Variants in GP1BA observed in about 807,000 individuals in gnomAD.
The protein encoded by GP1BA is glycoprotein Ib platelet subunit alpha.
A neutral mutation model predicts 5.6 loss-of-function variants in GP1BA; 3 were observed. The ratio of observed to expected loss-of-function variants is 0.53; its 90% CI spans 0.24 to 1.38. GP1BA has a LOEUF of 1.38. GP1BA is among the 40% of genes most tolerant of loss of function. The probability of loss-of-function intolerance (pLI) is 0.16; values close to 1 mark genes in which losing one functional copy is unlikely to be tolerated. For synonymous variants in GP1BA, 323 were observed against 358.3 expected, an observed-to-expected ratio of 0.90 and a Z score of 1.11; for missense variants, 707 against 801.4, an observed-to-expected ratio of 0.88 and a Z score of 1.42.
In GP1BA at chr17:4,933,161, G is replaced by A. The variant is rs764249586; in HGVS notation, c.557G>A (p.Gly186Glu). ...GAGCTCCCCGCTGGGCTCCTGAATG[G>A]GCTGGAGAATCTCGACACCCTTCTC... Reference protein sequence around the residue: ...LTELPAGLLNGLENLDTLLLQ... With the variant: ...LTELPAGLLNELENLDTLLLQ... The change falls in exon 2 of 2, where the codon GGG becomes GAG. Residue 186 changes from glycine (G) to glutamate (E), a missense_variant. This residue lies in a region of GP1BA where 442 missense variants were observed against 498.8 expected (regional missense o/e 0.89). Transcript: ENST00000329125. 1 of 1,613,940 alleles carries A rather than the reference G, an allele frequency of 6.2e-7. No homozygotes were observed. Among genetic ancestry groups the A allele is most frequent in the Non-Finnish European group, 8.5e-7 (1 of 1,179,852 alleles).
rs760041588 is a variant in GP1BA at position 4,932,718 on chromosome 17, G to A, written c.114G>A (p.Leu38=). Residue 38 remains leucine (L), a synonymous_variant, in exon 2 of 2, where the codon CTG becomes CTA. Transcript: ENST00000329125. This position sits in a 1 kb window ranked among gnomAD's most constrained non-coding sequence, Gnocchi z 4.8. ...AAGTGAACTGTGACAAGAGGAATCTGACAGCGCTGCCTCCAGACCTGCCGA... is the reference window on the plus strand; with the variant it reads ...AAGTGAACTGTGACAAGAGGAATCTAACAGCGCTGCCTCCAGACCTGCCGA... ...HLEVNCDKRN[L]TALPPDLPKD... The A allele has an allele frequency of 1.2e-5, 20 of 1,613,822 alleles. No individual in the cohort carries two copies. The highest frequency in any genetic ancestry group is 1.4e-5 in the Non-Finnish European group (17 of 1,179,888).
chr17:4,933,389 T>C lies in GP1BA; in HGVS notation c.785T>C (p.Val262Ala), dbSNP rs1970371200. The change falls in exon 2 of 2, where the codon GTG becomes GCG. Residue 262 changes from valine to alanine, a missense_variant. Transcript: ENST00000329125. ...VKAMTSNVAS[V>A]QCDNSDKFPV... ...GCCATGACCTCTAACGTGGCCAGTG[T>C]GCAGTGTGACAATTCAGACAAGTTT... is the stretch of plus-strand genomic sequence containing the variant. 6.2e-7 allele frequency: 1 copy of C among 1,613,926 alleles called. No homozygotes were observed. Among genetic ancestry groups the C allele is most frequent in the Non-Finnish European group, 8.5e-7 (1 of 1,179,822 alleles).
At position 4,932,666 on chromosome 17, in the gene GP1BA, A is replaced by C; in HGVS notation, c.62A>C (p.Glu21Ala). 1.2e-6 allele frequency: 2 copies of C among 1,613,792 alleles called. No individual in the cohort carries two copies. Among genetic ancestry groups the C allele is most frequent in the Admixed American group, 3.3e-5 (2 of 60,002 alleles). Residue 21 changes from glutamate to alanine, a missense_variant, in exon 2 of 2, where the codon GAG (glutamate) becomes GCG (alanine). This residue lies in a region of GP1BA where 442 missense variants were observed against 498.8 expected (regional missense o/e 0.89). Coordinates refer to ENST00000329125, the MANE Select transcript of GP1BA (RefSeq NM_000173.7). The surrounding 1 kb of genome is among the most constrained non-coding windows in gnomAD (Gnocchi z 4.8). ...CCCTTACACCCCCACCCCATCTGTG[A>C]GGTCTCCAAAGTGGCCAGCCACCTA... ...PSPLHPHPIC[E>A]VSKVASHLEV...
Position 4,934,290 on chromosome 17 carries a change from C to G in GP1BA, c.1686C>G (p.Ala562=), listed in dbSNP as rs1347703118. Residue 562 remains alanine, a synonymous_variant, in exon 2 of 2, where the codon GCC becomes GCG. Coordinates refer to ENST00000329125, the MANE Select transcript of GP1BA (RefSeq NM_000173.7). ...GGGTTGGGCATGTGAAACCACAGGCCCTGGACTCTGGCCAAGGTGCTGCTC... is the reference window on the plus strand; with the variant it reads ...GGGTTGGGCATGTGAAACCACAGGCGCTGGACTCTGGCCAAGGTGCTGCTC... ...LSWVGHVKPQ[A]LDSGQGAALT... 6.2e-7 allele frequency: 1 copy of G among 1,613,856 alleles called. No individual in the cohort carries two copies. The highest frequency in any genetic ancestry group is 8.5e-7 in the Non-Finnish European group (1 of 1,179,914).
chr17:4,932,989 AC>A lies in GP1BA; in HGVS notation c.387del (p.Ser130ArgfsTer18). 6.2e-7 allele frequency: 1 copy of A among 1,613,852 alleles called. No homozygotes were observed. Among genetic ancestry groups the A allele is most frequent in the Non-Finnish European group, 8.5e-7 (1 of 1,179,862 alleles). On this transcript the variant is annotated frameshift_variant, in exon 2 of 2. Coordinates refer to ENST00000329125, the MANE Select transcript of GP1BA (RefSeq NM_000173.7). LOFTEE classifies it low-confidence loss of function (END_TRUNC). The surrounding 1 kb of genome is among the most constrained non-coding windows in gnomAD (Gnocchi z 4.8). ...TVLDVSFNRL[T>X]SLPLGALRGL... ...CCTGGACGTCTCCTTCAACCGGCTGACCTCGCTGCCTCTTGGTGCCCTGCGT... is the reference window on the plus strand; with the variant it reads ...CCTGGACGTCTCCTTCAACCGGCTGACTCGCTGCCTCTTGGTGCCCTGCGT...
At position 4,933,583 on chromosome 17, in the gene GP1BA, T is replaced by A. The variant is rs750186241; in HGVS notation, c.979T>A (p.Tyr327Asn). 4 of 1,613,790 alleles carry A rather than the reference T, an allele frequency of 2.5e-6. No homozygotes were observed. Among genetic ancestry groups the A allele is most frequent in the Admixed American group, 1.7e-5 (1 of 59,994 alleles). ...KAHTTPWGLF[Y>N]SWSTASLDSQ... ...CCATACAACCCCCTGGGGTCTATTC[T>A]ACTCATGGTCCACTGCTTCTCTAGA... The change falls in exon 2 of 2, where the codon TAC becomes AAC. Residue 327 changes from tyrosine to asparagine, a missense_variant. Transcript: ENST00000329125.
Position 4,932,856 on chromosome 17 carries a change from C to T in GP1BA, c.252C>T (p.Thr84=), listed in dbSNP as rs1286614361. The T allele has an allele frequency of 6.2e-7, 1 of 1,614,030 alleles. No individual in the cohort carries two copies. The part of the protein sequence containing the change: ...TQLNLDRCEL[T]KLQVDGTLPV... ...TGAACCTAGATAGGTGCGAGCTCAC[C>T]AAGCTCCAGGTCGATGGGACGCTGC... Residue 84 remains threonine (T), a synonymous_variant, in exon 2 of 2, where the codon ACC becomes ACT. Coordinates refer to ENST00000329125, the MANE Select transcript of GP1BA (RefSeq NM_000173.7). The surrounding 1 kb of genome is among the most constrained non-coding windows in gnomAD (Gnocchi z 4.8).
chr17:4,934,526 G>A lies in GP1BA; in HGVS notation c.1922G>A (p.Ser641Asn), dbSNP rs913991352. ...CAGGGTCGTGGTCAGGACCTGCTGA[G>A]CACAGTGAGCATTAGGTACTCTGGC... ...LSQGRGQDLL[S>N]TVSIRYSGHS... is the part of the protein sequence containing the mutation. The change falls in exon 2 of 2, where the codon AGC becomes AAC. Residue 641 changes from serine to asparagine, a missense_variant. Physicochemically the swap from Ser to Asn is conservative, Grantham distance 46. Transcript: ENST00000329125. The A allele has an allele frequency of 6.2e-7, 1 of 1,614,046 alleles. No individual in the cohort carries two copies. The highest frequency in any genetic ancestry group is 8.5e-7 in the Non-Finnish European group (1 of 1,179,906).
rs373756376 is a variant in GP1BA at position 4,932,938 on chromosome 17, G to C, written c.334G>C (p.Gly112Arg). The C allele has an allele frequency of 7.4e-6, 12 of 1,613,848 alleles. No individual in the cohort carries two copies. The East Asian group carries it at 2.5e-4, about 33-fold the overall frequency. ...HNQLQSLPLL[G>R]QTLPALTVLD... ...TCAGCTGCAAAGCCTGCCCTTGCTA[G>C]GGCAGACACTGCCTGCTCTCACCGT... The change falls in exon 2 of 2, where the codon GGG becomes CGG. Residue 112 changes from glycine (G) to arginine (R), a missense_variant. Transcript: ENST00000329125. This position sits in a 1 kb window ranked among gnomAD's most constrained non-coding sequence, Gnocchi z 4.8.
At position 4,934,801 on chromosome 17, in the gene GP1BA, C is replaced by T. The variant is rs1001788424; in HGVS notation, c.*238C>T. 15 of 592,174 alleles carry T rather than the reference C, an allele frequency of 2.5e-5. No individual in the cohort carries two copies. Among genetic ancestry groups the T allele is most frequent in the Admixed American group, 1.8e-4 (6 of 33,156 alleles). 36.7% of individuals were successfully genotyped at this position (592,174 alleles called of 1,614,324 possible). On this transcript the variant is annotated 3_prime_UTR_variant, in exon 2 of 2. Transcript: ENST00000329125. The stretch of plus-strand genomic sequence containing the variant: ...ACAAAGCTCCCGATGCTGCATGGGG[C>T]GCTGCCAGATCTCACGGTGAACCAT...
chr17:4,933,662 C>A lies in GP1BA; in HGVS notation c.1058C>A (p.Thr353Asn). 1 of 1,613,888 alleles carries A rather than the reference C, an allele frequency of 6.2e-7. No homozygotes were observed. The highest frequency in any genetic ancestry group is 8.5e-7 in the Non-Finnish European group (1 of 1,179,828). ...HPTQESTKEQ[T>N]TFPPRWTPNF... The stretch of plus-strand genomic sequence containing the variant: ...ACACAAGAATCCACTAAGGAGCAGA[C>A]CACATTCCCACCTAGATGGACCCCA... The change falls in exon 2 of 2, where the codon ACC becomes AAC. Residue 353 changes from threonine to asparagine, a missense_variant. Physicochemically the swap from Thr to Asn is moderately conservative, Grantham distance 65. Around this residue, in one of 3 missense-constraint regions of GP1BA, gnomAD observed 442 missense variants for 498.8 expected, o/e 0.89. Transcript: ENST00000329125.
In GP1BA at chr17:4,933,145, G is replaced by A. The variant is rs372575136; in HGVS notation, c.541G>A (p.Ala181Thr). The A allele has an allele frequency of 1.5e-5, 24 of 1,613,788 alleles. No homozygotes were observed. Among genetic ancestry groups the A allele is most frequent in the African/African-American group, 1.2e-4 (9 of 74,914 alleles). ...LANNNLTELP[A>T]GLLNGLENLD... ...TAACAACAACTTGACTGAGCTCCCC[G>A]CTGGGCTCCTGAATGGGCTGGAGAA... is the stretch of plus-strand genomic sequence containing the variant. The change falls in exon 2 of 2, where the codon GCT becomes ACT. Residue 181 changes from alanine to threonine, a missense_variant. Ala to Thr is a moderately conservative substitution (Grantham distance 58). Around this residue, in one of 3 missense-constraint regions of GP1BA, gnomAD observed 442 missense variants for 498.8 expected, o/e 0.89. Coordinates refer to ENST00000329125, the MANE Select transcript of GP1BA (RefSeq NM_000173.7).
At position 4,932,497 on chromosome 17, in the gene GP1BA, T is replaced by C; in HGVS notation, c.-6-102T>C. ...GAGTAGGGAGGACAGGAGGTGTGGA[T>C]GCTGTTTCTGGAAGCGAAGCTGCAG... On this transcript the variant is annotated intron_variant, in intron 1 of 1. Transcript: ENST00000329125. The surrounding 1 kb of genome is among the most constrained non-coding windows in gnomAD (Gnocchi z 4.8). The C allele has an allele frequency of 7.8e-7, 1 of 1,283,676 alleles. No homozygotes were observed. The highest frequency in any genetic ancestry group is 1.5e-5 in the South Asian group (1 of 65,794). 79.5% of individuals were successfully genotyped at this position (1,283,676 alleles called of 1,614,324 possible).
chr17:4,933,624 C>T lies in GP1BA; in HGVS notation c.1020C>T (p.Ser340=). 6.2e-7 allele frequency: 1 copy of T among 1,613,950 alleles called. No homozygotes were observed. The highest frequency in any genetic ancestry group is 8.5e-7 in the Non-Finnish European group (1 of 1,179,854). ...STASLDSQMP[S]SLHPTQESTK... ...CTTCTCTAGACAGCCAAATGCCCTCCTCCTTGCATCCAACACAAGAATCCA... is the reference window on the plus strand; with the variant it reads ...CTTCTCTAGACAGCCAAATGCCCTCTTCCTTGCATCCAACACAAGAATCCA... Residue 340 remains serine, a synonymous_variant, in exon 2 of 2, where the codon TCC becomes TCT. Coordinates refer to ENST00000329125, the MANE Select transcript of GP1BA (RefSeq NM_000173.7).
At position 4,933,827 on chromosome 17, in the gene GP1BA, C is replaced by T. The variant is rs368946807; in HGVS notation, c.1223C>T (p.Pro408Leu). 3.2e-5 allele frequency: 48 copies of T among 1,496,208 alleles called. No homozygotes were observed. The East Asian group carries it at 1.2e-3, about 37-fold the overall frequency. 92.7% of individuals were successfully genotyped at this position (1,496,208 alleles called of 1,614,324 possible). Residue 408 changes from proline (P) to leucine (L), a missense_variant, in exon 2 of 2, where the codon CCG (proline) becomes CTG (leucine). By Grantham distance (98) the Pro-to-Leu change is moderately conservative (BLOSUM62 -3). Coordinates refer to ENST00000329125, the MANE Select transcript of GP1BA (RefSeq NM_000173.7). ...NMTTLEPTPS[P>L]TTPEPTSEPA... ...ACCACCCTGGAGCCCACTCCAAGCC[C>T]GACCACCCCAGAGCCCACCTCAGAG...
chr17:4,933,579 A>G lies in GP1BA; in HGVS notation c.975A>G (p.Leu325=). 6.2e-7 allele frequency: 1 copy of G among 1,613,842 alleles called. No individual in the cohort carries two copies. Among genetic ancestry groups the G allele is most frequent in the Non-Finnish European group, 8.5e-7 (1 of 1,179,838 alleles). ...AAGCCCATACAACCCCCTGGGGTCT[A>G]TTCTACTCATGGTCCACTGCTTCTC... ...PTKAHTTPWG[L]FYSWSTASLD... is the part of the protein sequence containing the mutation. Residue 325 remains leucine, a synonymous_variant, in exon 2 of 2, where the codon CTA becomes CTG. Transcript: ENST00000329125.
rs777047190 is a variant in GP1BA at position 4,933,392 on chromosome 17, A to G, written c.788A>G (p.Gln263Arg). 9.9e-6 allele frequency: 16 copies of G among 1,613,938 alleles called. No homozygotes were observed. The highest frequency in any genetic ancestry group is 1.6e-4 in the Middle Eastern group (1 of 6,062). ...KAMTSNVASV[Q>R]CDNSDKFPVY... ...ATGACCTCTAACGTGGCCAGTGTGCAGTGTGACAATTCAGACAAGTTTCCC... is the reference window on the plus strand; with the variant it reads ...ATGACCTCTAACGTGGCCAGTGTGCGGTGTGACAATTCAGACAAGTTTCCC... Residue 263 changes from glutamine (Q) to arginine (R), a missense_variant, in exon 2 of 2, where the codon CAG (glutamine) becomes CGG (arginine). Transcript: ENST00000329125.
Position 4,932,375 on chromosome 17 carries a change from G to T in GP1BA, c.-7+10G>T, listed in dbSNP as rs1416824919. 1 of 1,394,868 alleles carries T rather than the reference G, an allele frequency of 7.2e-7. No individual in the cohort carries two copies. Among genetic ancestry groups the T allele is most frequent in the East Asian group, 2.6e-5 (1 of 37,886 alleles). The allele number at this position is 1,394,868 out of a possible 1,614,324, so 86.4% of individuals were successfully genotyped here. A position where few individuals can be genotyped will look rare whatever the true frequency, so the allele number is the denominator to read the frequency against. On this transcript the variant is annotated intron_variant, in intron 1 of 1. Coordinates refer to ENST00000329125, the MANE Select transcript of GP1BA (RefSeq NM_000173.7). This position sits in a 1 kb window ranked among gnomAD's most constrained non-coding sequence, Gnocchi z 4.8. ...GTCTTTCTGCCTGCCTGTAAGCCGG[G>T]GTTGGTGCTGGGGCAGGAGAGGGGT...
At position 4,933,020 on chromosome 17, in the gene GP1BA, T is replaced by C. The variant is rs1382172862; in HGVS notation, c.416T>C (p.Leu139Pro). ...CTGCCTCTTGGTGCCCTGCGTGGTC[T>C]TGGCGAACTCCAAGAGCTCTACCTG... ...TSLPLGALRG[L>P]GELQELYLKG... Residue 139 changes from leucine (L) to proline (P), a missense_variant, in exon 2 of 2, where the codon CTT becomes CCT. Around this residue, in one of 3 missense-constraint regions of GP1BA, gnomAD observed 442 missense variants for 498.8 expected, o/e 0.89. Transcript: ENST00000329125. The C allele has an allele frequency of 6.2e-7, 1 of 1,614,022 alleles. No individual in the cohort carries two copies. The highest frequency in any genetic ancestry group is 2.2e-5 in the East Asian group (1 of 44,874).
Sources: gnomAD v4.1 joint callset for allele counts on GRCh38, gnomAD v4.1.1 for gene constraint, gnomAD v4.1.1 regional missense constraint, Gnocchi (gnomAD v3.1) non-coding constraint, MANE v1.5 for transcripts, NCBI Gene and HGNC (gene_info 2026-07-23, HGNC 2026-07-21) for gene names.